KIDINS220: variants seen among roughly 807,000 people sequenced by gnomAD.
KIDINS220 encodes kinase D interacting substrate 220.
Under a neutral mutation model 157.6 loss-of-function variants are expected in KIDINS220, and 63 were observed. That is an observed-to-expected ratio of 0.40 (90% CI 0.33 to 0.49). The LOEUF is 0.49. KIDINS220 is among the 20% of genes least tolerant of loss of function. KIDINS220 has a pLI of 0.66. For missense variants in KIDINS220, 1,772 were observed against 2,171.2 expected, an observed-to-expected ratio of 0.82 and a Z score of 3.65; for synonymous variants, 732 against 783.6, an observed-to-expected ratio of 0.93 and a Z score of 1.10.
intron 18 of KIDINS220, 144 bp from the exon 19 acceptor site, chr2:8,779,283 G>C (rs1261200875): frequency 2.8e-6 from 3 of 1,075,316 alleles, no homozygotes; most frequent in Non-Finnish European, 3.9e-6. Flanking sequence ...CTGCACAAAA[G>C]CAAATTTTAC....
At chr2:8,736,624 A>G (rs964175686) in intron 27 of KIDINS220, among the ~76,000 whole-genome samples, 3 of 152,244 alleles carry the variant, frequency 2.0e-5, no homozygotes, top group Non-Finnish European at 4.4e-5. Context: ...TACTTGTATT[A>G]CGTCATTTAA....
chr2:8,779,885 G>A, intron 17 of KIDINS220, 71 bp from the exon 18 acceptor site: 1 of 1,516,294 alleles, frequency 6.6e-7, no homozygotes, highest in Non-Finnish European at 9.0e-7. Flanking sequence ...TTCTTAGAAA[G>A]CGTGATAGAA....
chr2:8,833,598 A>G (rs962230329), intron 1 of KIDINS220, among the ~76,000 whole-genome samples: 3 of 150,338 alleles, frequency 2.0e-5, no homozygotes, highest in African/African-American at 7.4e-5. Context: ...CTTTCGTTCT[A>G]TACCAAATAC....
chr2:8,742,205 C>G (rs1665724164), intron 26 of KIDINS220, among the ~76,000 whole-genome samples: 1 of 152,024 alleles, frequency 6.6e-6, no homozygotes, highest in Admixed American at 6.6e-5. Context: ...AACTGATCCT[C>G]TCACCTCAGC....
chr2:8,739,439 G>A (rs917705616), intron 26 of KIDINS220, among the ~76,000 whole-genome samples: 1 of 152,002 alleles, frequency 6.6e-6, no homozygotes, highest in African/African-American at 2.4e-5. Flanking sequence ...AAGAAGAAAT[G>A]GTAATTACCT....
chr2:8,747,149 G>T lies in KIDINS220; in HGVS notation c.3581C>A (p.Ser1194Ter), dbSNP rs549702212. 3 of 1,613,606 alleles carry T rather than the reference G, an allele frequency of 1.9e-6. No individual in the cohort carries two copies. Among genetic ancestry groups the T allele is most frequent in the Non-Finnish European group, 1.7e-6 (2 of 1,179,646 alleles). Residue 1194 changes from serine to a stop codon, truncating the protein, a stop_gained, in exon 26 of 30, where the codon TCG becomes TAG. Transcript: ENST00000256707. LOFTEE classifies it high-confidence loss of function. ...ACCACAGGACTACTCCATTACCCTC[G>T]AGGAGTCTGTGGGTGAAGAAAGCCC... The part of the protein sequence containing the change: ...AEGLSSPTDS[S>*]RGSGPAPGPV...
chr2:8,759,698 GA>G (rs1048810201), intron 22 of KIDINS220, among the ~76,000 whole-genome samples: 24 of 151,728 alleles, frequency 1.6e-4, no homozygotes, highest in African/African-American at 5.8e-4. Flanking sequence ...CTACGACGTC[GA>G]ATGTTCTGAG....
In KIDINS220 at chr2:8,730,675, C is replaced by T. The variant is rs1385528296; in HGVS notation, c.*45G>A. 1 of 1,562,254 alleles carries T rather than the reference C, an allele frequency of 6.4e-7. No homozygotes were observed. Among genetic ancestry groups the T allele is most frequent in the Non-Finnish European group, 8.6e-7 (1 of 1,159,494 alleles). ...GATGGAGTCAAAATCCAGGACAATT[C>T]TGTCATAAAGGTACAGTAACACTCT... On this transcript the variant is annotated 3_prime_UTR_variant, in exon 30 of 30. Transcript: ENST00000256707.
In KIDINS220 at chr2:8,826,971, C is replaced by G; in HGVS notation, c.108+15G>C. 1 of 1,478,566 alleles carries G rather than the reference C, an allele frequency of 6.8e-7. No individual in the cohort carries two copies. Among genetic ancestry groups the G allele is most frequent in the Non-Finnish European group, 9.4e-7 (1 of 1,062,214 alleles). The allele number at this position is 1,478,566 out of a possible 1,614,324, so 91.6% of individuals were successfully genotyped here. The stretch of plus-strand genomic sequence containing the variant: ...ATATTTGTGAAAGAATGTAATTTTG[C>G]AAACTTGGTCTTACCTCATTTCTCT... On this transcript the variant is annotated intron_variant, in intron 2 of 29. Transcript: ENST00000256707.
chr2:8,813,450 G>T, intron 4 of KIDINS220, 115 bp from the exon 5 acceptor site: 1 of 722,114 alleles, frequency 1.4e-6, no homozygotes, highest in Non-Finnish European at 2.3e-6. Flanking sequence ...GTTTCATGAT[G>T]GTAGTATTAT....
chr2:8,737,666 G>A (rs1354223983), intron 26 of KIDINS220, among the ~76,000 whole-genome samples: 1 of 152,156 alleles, frequency 6.6e-6, no homozygotes, highest in Non-Finnish European at 1.5e-5. Context: ...TAATTAAAAA[G>A]TCTAGTATTT....
intron 6 of KIDINS220, 52 bp downstream of exon 6, chr2:8,812,343 C>A: frequency 3.5e-6 from 3 of 868,626 alleles, no homozygotes; most frequent in Non-Finnish European, 1.8e-6. Flanking sequence ...ATAACTTAGA[C>A]ACTGAGTGGA....
chr2:8,795,727 G>T (rs1050484057), intron 11 of KIDINS220, among the ~76,000 whole-genome samples: 5 of 152,156 alleles, frequency 3.3e-5, no homozygotes, highest in Admixed American at 2.6e-4. Flanking sequence ...TGAGTATAAA[G>T]CAATTACTTA....
intron 2 of KIDINS220, among the ~76,000 whole-genome samples, chr2:8,819,071 AGGATTTGGAATGC>A (rs1404748150): frequency 4.9e-4 from 74 of 152,358 alleles, no homozygotes; most frequent in African/African-American, 1.8e-3. Context: ...GAATAACACT[AGGATTTGGAATGC>A]AATTACTGAA....
At chr2:8,806,210 T>C in intron 7 of KIDINS220, 61 bp downstream of exon 7, 1 of 1,247,632 alleles carries the variant, frequency 8.0e-7, no homozygotes, top group Non-Finnish European at 1.1e-6. Context: ...AGAAATAAAT[T>C]CTCTCTCTTA....
At chr2:8,813,383 T>G in intron 4 of KIDINS220, 48 bp from the exon 5 acceptor site, 4 of 1,267,390 alleles carry the variant, frequency 3.2e-6, no homozygotes, top group Non-Finnish European at 4.5e-6. Flanking sequence ...AAATCATCTC[T>G]GAGTATAAAA....
intron 26 of KIDINS220, among the ~76,000 whole-genome samples, chr2:8,737,685 GA>G (rs1031809014): frequency 7.9e-5 from 12 of 152,162 alleles, no homozygotes; most frequent in African/African-American, 2.7e-4. Flanking sequence ...TTATTTAGAA[GA>G]AAAACATTTT....
At chr2:8,773,934 A>G (rs1670581080) in intron 21 of KIDINS220, among the ~76,000 whole-genome samples, 1 of 152,126 alleles carries the variant, frequency 6.6e-6, no homozygotes, top group African/African-American at 2.4e-5. Context: ...CTCAGTTCCC[A>G]CTTCATTCAG....
chr2:8,772,789 C>A lies in KIDINS220; in HGVS notation c.2849-1957G>T, dbSNP rs75773697. 5.2e-3 allele frequency among the ~76,000 whole-genome samples: 787 copies of A among 151,126 alleles called. 3 individuals are homozygous for A. Among genetic ancestry groups the A allele is most frequent in the Admixed American group, 8.7e-3 (131 of 15,110 alleles). ...TATTTATCTACTAAAACCTCAAATT[C>A]TTTTCTGATATTAATCTCTCTATTG... On this transcript the variant is annotated intron_variant, in intron 21 of 29. Transcript: ENST00000256707.
Sources: allele counts gnomAD v4.1 joint callset (sites outside exome capture counted in the v4.1 genomes callset), GRCh38; gene constraint gnomAD v4.1.1; transcripts MANE v1.5; gene names NCBI Gene and HGNC (gene_info 2026-07-23, HGNC 2026-07-21).